The following ARFGEF3 variants were observed in gnomAD, a reference collection of about 807,000 sequenced individuals.
ARFGEF3 encodes brefeldin A-inhibited guanine nucleotide-exchange protein 3.
In ARFGEF3, 96 loss-of-function variants were observed where a neutral mutation model predicts 221.7. The ratio of observed to expected loss-of-function variants is 0.43; its 90% CI spans 0.37 to 0.51. The LOEUF is 0.51. Among genes scored for constraint, ARFGEF3 ranks in the 20% least tolerant of loss-of-function variants. ARFGEF3 has a pLI of 0.00. For synonymous variants in ARFGEF3, 1,145 were observed against 1,126.8 expected (o/e 1.02, Z -0.32); for missense variants, 2,410 against 2,789.9 (o/e 0.86, Z 3.07).
chr6:138,336,145 A>G, intron 33 of ARFGEF3, 150 bp from the exon 34 acceptor site: 2 of 502,750 alleles, frequency 4.0e-6, no homozygotes, highest in Non-Finnish European at 6.8e-6. Flanking sequence ...TACGCCTACA[A>G]TTTATTATAG....
At chr6:138,218,956 T>G (rs1289320027) in intron 4 of ARFGEF3, among the ~76,000 whole-genome samples, 3 of 152,208 alleles carry the variant, frequency 2.0e-5, no homozygotes, top group African/African-American at 7.2e-5. Flanking sequence ...CTTTTTTTAT[T>G]GATTTATTAA....
At chr6:138,180,881 A>G (rs1582997794) in intron 2 of ARFGEF3, among the ~76,000 whole-genome samples, 1 of 152,348 alleles carries the variant, frequency 6.6e-6, no homozygotes, top group East Asian at 1.9e-4. Context: ...TTAGCAGTGG[A>G]GGTTGCTGAA....
At chr6:138,306,609 C>T (rs1779727185) in intron 22 of ARFGEF3, among the ~76,000 whole-genome samples, 1 of 151,646 alleles carries the variant, frequency 6.6e-6, no homozygotes, top group Non-Finnish European at 1.5e-5. Flanking sequence ...ACCTATAGTT[C>T]AGTGGAACTG....
intron 4 of ARFGEF3, among the ~76,000 whole-genome samples, chr6:138,218,989 C>T (rs1265440782): frequency 6.6e-6 from 1 of 151,994 alleles, no homozygotes; most frequent in Non-Finnish European, 1.5e-5. Flanking sequence ...TTGTTGCCAA[C>T]AGTGCATAAA....
Position 138,334,520 on chromosome 6 carries a change from G to C in ARFGEF3, c.5674G>C (p.Val1892Leu), listed in dbSNP as rs1780285314. 1 of 1,613,018 alleles carries C rather than the reference G, an allele frequency of 6.2e-7. No individual in the cohort carries two copies. Residue 1892 changes from valine (V) to leucine (L), a missense_variant, in exon 33 of 34, where the codon GTC becomes CTC. Transcript: ENST00000251691. This position sits in a 1 kb window ranked among gnomAD's most constrained non-coding sequence, Gnocchi z 5.1. The stretch of plus-strand genomic sequence containing the variant: ...GATGCCCTTGCTCAGCGTCCAGCCT[G>C]TCAGCAACGCAGATTGGGTGTGGCT... ...ARMPLLSVQP[V>L]SNADWVWLVK...
chr6:138,285,038 A>G (rs1393130564), intron 14 of ARFGEF3, among the ~76,000 whole-genome samples: 2 of 152,226 alleles, frequency 1.3e-5, no homozygotes, highest in African/African-American at 4.8e-5. Context: ...ATGGTTGACC[A>G]AAACATCATT....
In ARFGEF3 at chr6:138,291,897, G is replaced by A. The variant is rs1321263337; in HGVS notation, c.3212G>A (p.Arg1071His). ...CCCGAGCACAGCCCGGAGCAGGGGC[G>A]CTCCCTGAGCACGGCCCCTGTCGTC... ...SPPEHSPEQG[R>H]SLSTAPVVQP... The change falls in exon 19 of 34, where the codon CGC becomes CAC. Residue 1071 changes from arginine to histidine, a missense_variant. Transcript: ENST00000251691. The surrounding 1 kb of genome is among the most constrained non-coding windows in gnomAD (Gnocchi z 4.5). 7 of 1,489,480 alleles carry A rather than the reference G, an allele frequency of 4.7e-6. No homozygotes were observed. Among genetic ancestry groups the A allele is most frequent in the South Asian group, 1.3e-5 (1 of 77,392 alleles). 92.3% of individuals were successfully genotyped at this position (1,489,480 alleles called of 1,614,324 possible).
chr6:138,221,002 C>T (rs911666850), intron 4 of ARFGEF3, among the ~76,000 whole-genome samples: 15 of 152,318 alleles, frequency 9.8e-5, no homozygotes, highest in East Asian at 1.9e-4. Flanking sequence ...AGGCTGGGCT[C>T]GGCTGTCCTG....
rs1178223810 is a variant in ARFGEF3, at chr6:138,263,514, A to T, written c.2031A>T (p.Ile677=). ...ATCAGCACAGCGCCAGGCTGTTCAT[A>T]CAGTCCCTGGAAGGCCTCCTCCCTC... ...EADQHSARLF[I]QSLEGLLPRL... is the part of the protein sequence containing the mutation. Residue 677 remains isoleucine, a synonymous_variant, in exon 12 of 34, where the codon ATA becomes ATT. Coordinates refer to ENST00000251691, the MANE Select transcript of ARFGEF3 (RefSeq NM_020340.5). 1 of 1,613,702 alleles carries T rather than the reference A, an allele frequency of 6.2e-7. No individual in the cohort carries two copies. The highest frequency in any genetic ancestry group is 1.7e-5 in the Admixed American group (1 of 60,024).
At chr6:138,274,816 A>T (rs1218833782) in intron 12 of ARFGEF3, among the ~76,000 whole-genome samples, 1 of 142,060 alleles carries the variant, frequency 7.0e-6, no homozygotes, top group African/African-American at 2.7e-5. Flanking sequence ...AAAAAAATGC[A>T]CCTCAGCCTT....
chr6:138,185,966 T>TA (rs1446988316), intron 2 of ARFGEF3, among the ~76,000 whole-genome samples: 3 of 152,220 alleles, frequency 2.0e-5, no homozygotes, highest in African/African-American at 7.2e-5. Context: ...ATTCTAATGA[T>TA]AAGGGCACTG....
At position 138,278,437 on chromosome 6, in the gene ARFGEF3, A is replaced by G; in HGVS notation, c.2129-14A>G. 1.2e-6 allele frequency: 2 copies of G among 1,612,634 alleles called. No homozygotes were observed. Among genetic ancestry groups the G allele is most frequent in the South Asian group, 1.1e-5 (1 of 90,956 alleles). On this transcript the variant is annotated splice_polypyrimidine_tract_variant and intron_variant, in intron 12 of 33. Coordinates refer to ENST00000251691, the MANE Select transcript of ARFGEF3 (RefSeq NM_020340.5). The stretch of plus-strand genomic sequence containing the variant: ...TGTTCACACCCCCAAAAGTCCCTTC[A>G]TTGTCTCCCTTAGGCATGATGCACT...
chr6:138,248,425 C>T (rs1448081518), intron 8 of ARFGEF3, among the ~76,000 whole-genome samples: 8 of 152,104 alleles, frequency 5.3e-5, no homozygotes, highest in Non-Finnish European at 1.0e-4. Context: ...GGGAATAGAA[C>T]GAAGACCACC....
Position 138,262,821 on chromosome 6 carries a change from G to T in ARFGEF3, c.1338G>T (p.Leu446Phe). Residue 446 changes from leucine to phenylalanine, a missense_variant, in exon 12 of 34, where the codon TTG becomes TTT. Around this residue, in one of 5 missense-constraint regions of ARFGEF3, gnomAD observed 570 missense variants for 586.9 expected, o/e 0.97. Coordinates refer to ENST00000251691, the MANE Select transcript of ARFGEF3 (RefSeq NM_020340.5). ...ALDELSQGKG[L>F]SEGQVQLLLL... Reference sequence around the variant, plus strand: ...ATGAGCTCAGCCAGGGGAAGGGCTTGAGCGAAGGTCAGGTGCAACTGCTGC... The same window carrying T: ...ATGAGCTCAGCCAGGGGAAGGGCTTTAGCGAAGGTCAGGTGCAACTGCTGC... The T allele has an allele frequency of 6.2e-7, 1 of 1,614,030 alleles. No homozygotes were observed. Among genetic ancestry groups the T allele is most frequent in the South Asian group, 1.1e-5 (1 of 91,076 alleles).
chr6:138,242,559 C>T (rs945993765), intron 6 of ARFGEF3, among the ~76,000 whole-genome samples: 1 of 152,258 alleles, frequency 6.6e-6, no homozygotes, highest in East Asian at 1.9e-4. Flanking sequence ...TCAGCTGTAG[C>T]CTTGGAATAG....
At chr6:138,220,228 C>T (rs1777957511) in intron 4 of ARFGEF3, among the ~76,000 whole-genome samples, 1 of 152,148 alleles carries the variant, frequency 6.6e-6, no homozygotes, top group African/African-American at 2.4e-5. Context: ...GTCTCGAACT[C>T]CTGTGTTCAA....
At chr6:138,333,041 G>C (rs1011201449) in intron 32 of ARFGEF3, among the ~76,000 whole-genome samples, 2 of 152,156 alleles carry the variant, frequency 1.3e-5, no homozygotes, top group African/African-American at 4.8e-5. Context: ...AATTAATAAC[G>C]GTTGTCATAA....
intron 28 of ARFGEF3, among the ~76,000 whole-genome samples, chr6:138,320,873 T>G (rs1780010622): frequency 6.6e-6 from 1 of 152,210 alleles, no homozygotes; most frequent in East Asian, 1.9e-4. Context: ...CATTTTTATT[T>G]CTGTAGAAGT....
chr6:138,238,049 G>A (rs1475621619), intron 5 of ARFGEF3, among the ~76,000 whole-genome samples: 1 of 152,178 alleles, frequency 6.6e-6, no homozygotes, highest in Non-Finnish European at 1.5e-5. Flanking sequence ...ATTTCCAGAA[G>A]AACACAGCTA....
Sources: allele counts gnomAD v4.1 joint callset (sites outside exome capture counted in the v4.1 genomes callset), GRCh38; gene constraint gnomAD v4.1.1; regional missense constraint gnomAD v4.1.1; non-coding constraint Gnocchi (gnomAD v3.1); transcripts MANE v1.5; gene names NCBI Gene and HGNC (gene_info 2026-07-23, HGNC 2026-07-21).